The following ARHGAP28 variants were observed in gnomAD, a reference collection of about 807,000 sequenced individuals.
The protein encoded by ARHGAP28 is Rho GTPase activating protein 28.
A neutral mutation model predicts 90.7 loss-of-function variants in ARHGAP28; 56 were observed. The ratio of observed to expected loss-of-function variants is 0.62; its 90% CI spans 0.50 to 0.77. ARHGAP28 has a LOEUF of 0.77. ARHGAP28 is among the 30% of genes least tolerant of loss of function. The pLI is 0.00. For missense variants in ARHGAP28, 869 were observed against 900.9 expected, an observed-to-expected ratio of 0.96 and a Z score of 0.45; for synonymous variants, 308 against 323.3, an observed-to-expected ratio of 0.95 and a Z score of 0.51.
chr18:6,829,633 T>C (rs2056700136), intron 2 of ARHGAP28, among the ~76,000 whole-genome samples: 1 of 152,130 alleles, frequency 6.6e-6, no homozygotes, highest in Non-Finnish European at 1.5e-5. Context: ...ACCCAGAAAA[T>C]TTCCTCATGC....
intron 1 of ARHGAP28, among the ~76,000 whole-genome samples, chr18:6,765,240 G>A (rs35327384): frequency 0.17 from 26,339 of 152,100 alleles, 3,334 homozygotes; most frequent in East Asian, 0.35. Context: ...CTTAATGTTT[G>A]ATAGCATATT....
chr18:6,898,548 A>G (rs749972729), intron 16 of ARHGAP28: 8 of 1,613,836 alleles, frequency 5.0e-6, no homozygotes, highest in Non-Finnish European at 3.4e-6. Flanking sequence ...ATTCCTCTTC[A>G]CTATTGGCCT....
At chr18:6,896,138 G>A (rs960234612) in intron 15 of ARHGAP28, among the ~76,000 whole-genome samples, 1 of 152,172 alleles carries the variant, frequency 6.6e-6, no homozygotes, top group Non-Finnish European at 1.5e-5. Flanking sequence ...CAAAAGGTTG[G>A]TCTTCTTAAA....
intron 3 of ARHGAP28, among the ~76,000 whole-genome samples, chr18:6,840,713 A>C (rs2056800742): frequency 6.6e-6 from 1 of 152,128 alleles, no homozygotes; most frequent in Admixed American, 6.5e-5. Context: ...TCTAGAGAGA[A>C]TTGAGAATGG....
intron 1 of ARHGAP28, among the ~76,000 whole-genome samples, chr18:6,781,188 G>A (rs139922241): frequency 3.3e-5 from 5 of 152,246 alleles, no homozygotes; most frequent in Admixed American, 6.5e-5. Flanking sequence ...AGAGGCAGTC[G>A]GGACAGTCAG....
At chr18:6,903,329 A>G (rs1481554615) in intron 16 of ARHGAP28, among the ~76,000 whole-genome samples, 2 of 152,234 alleles carry the variant, frequency 1.3e-5, no homozygotes, top group Admixed American at 6.5e-5. Context: ...ACCATGATAG[A>G]AATATAAAAA....
chr18:6,841,182 T>TCTCTCTCTCTCTCTC (rs2056815370), intron 3 of ARHGAP28, among the ~76,000 whole-genome samples: 1 of 44,234 alleles, frequency 2.3e-5, no homozygotes, highest in Non-Finnish European at 4.1e-5. Flanking sequence ...CTCTCTCTCC[T>TCTCTCTCTCTCTCTC]CTCTCTCTCT....
intron 1 of ARHGAP28, among the ~76,000 whole-genome samples, chr18:6,757,503 T>C (rs2056121473): frequency 6.6e-6 from 1 of 152,172 alleles, no homozygotes; most frequent in Admixed American, 6.5e-5. Flanking sequence ...AAAGCCAGGA[T>C]TTTACAGTCA....
chr18:6,784,061 C>G (rs976383113), intron 1 of ARHGAP28, among the ~76,000 whole-genome samples: 2 of 152,138 alleles, frequency 1.3e-5, no homozygotes, highest in Non-Finnish European at 2.9e-5. Flanking sequence ...AAAACCTCCT[C>G]AGTTACTTCT....
chr18:6,815,282 CTGTT>C (rs1415923299), intron 1 of ARHGAP28, among the ~76,000 whole-genome samples: 1 of 152,242 alleles, frequency 6.6e-6, no homozygotes, highest in Admixed American at 6.5e-5. Context: ...CTACCTCTGA[CTGTT>C]AGCCTTTGCT....
Position 6,908,734 on chromosome 18 carries a change from C to CT in ARHGAP28, c.2031-225dup, listed in dbSNP as rs1457093422. 2.0e-5 allele frequency among the ~76,000 whole-genome samples: 3 copies of CT among 152,298 alleles called. No homozygotes were observed. In the South Asian group the frequency reaches 6.2e-4, roughly 32 times the overall value. ...GGCTCTATGTAGTGGAGCACTGCGG[C>CT]TGCCCATCCTGGTGGGAGCAGTCCC... On this transcript the variant is annotated intron_variant, in intron 16 of 17. Coordinates refer to ENST00000383472, the MANE Select transcript of ARHGAP28 (RefSeq NM_001366230.1).
intron 1 of ARHGAP28, chr18:6,789,633 C>T (rs1339241588): frequency 6.6e-6 from 1 of 152,086 alleles, no homozygotes; most frequent in Non-Finnish European, 1.5e-5. Flanking sequence ...CCACCACTAA[C>T]AATTCATACT....
At chr18:6,840,967 G>C (rs1037725824) in intron 3 of ARHGAP28, among the ~76,000 whole-genome samples, 1 of 152,050 alleles carries the variant, frequency 6.6e-6, no homozygotes, top group Non-Finnish European at 1.5e-5. Flanking sequence ...CACAGATGTT[G>C]TTTCCTAAAA....
intron 12 of ARHGAP28, 28 bp downstream of exon 12, chr18:6,887,267 C>T (rs545031750): frequency 2.5e-6 from 4 of 1,604,612 alleles, no homozygotes; most frequent in Middle Eastern, 1.8e-4. Flanking sequence ...CACAGCTTGT[C>T]CTGGGGCTCT....
rs769223185 is a variant in ARHGAP28, at chr18:6,890,416, T to G, written c.1735-14T>G. 13 of 1,555,350 alleles carry G rather than the reference T, an allele frequency of 8.4e-6. No homozygotes were observed. The Admixed American group carries it at 1.9e-4, about 23-fold the overall frequency. ...AGTGTTTTCCATCCAGTCCAAGCTATTTTTCTTCTCCAGGTTCCATCTTTC... is the reference window on the plus strand; with the variant it reads ...AGTGTTTTCCATCCAGTCCAAGCTAGTTTTCTTCTCCAGGTTCCATCTTTC... On this transcript the variant is annotated splice_polypyrimidine_tract_variant and intron_variant, in intron 13 of 17. Transcript: ENST00000383472.
At chr18:6,879,720 G>A (rs1376590098) in intron 10 of ARHGAP28, among the ~76,000 whole-genome samples, 2 of 152,246 alleles carry the variant, frequency 1.3e-5, no homozygotes, top group African/African-American at 4.8e-5. Context: ...CTGAGAGTGG[G>A]GGAGGGGCGA....
chr18:6,887,596 C>A (rs1451146233), intron 12 of ARHGAP28, among the ~76,000 whole-genome samples: 1 of 152,046 alleles, frequency 6.6e-6, no homozygotes, highest in East Asian at 1.9e-4. Context: ...ACACCCAGCT[C>A]ATTTTTTGCA....
chr18:6,860,698 T>G (rs992554167), intron 5 of ARHGAP28, among the ~76,000 whole-genome samples: 1 of 152,184 alleles, frequency 6.6e-6, no homozygotes, highest in African/African-American at 2.4e-5. Flanking sequence ...GCATGACACA[T>G]TCCTAGGAAA....
At chr18:6,899,233 T>C (rs2057325598) in intron 16 of ARHGAP28, among the ~76,000 whole-genome samples, 1 of 152,048 alleles carries the variant, frequency 6.6e-6, no homozygotes, top group Non-Finnish European at 1.5e-5. Context: ...CCCCATTCCT[T>C]CCAGGTACTC....
Sources: gnomAD v4.1 joint callset for allele counts (sites outside exome capture counted in the v4.1 genomes callset) on GRCh38, gnomAD v4.1.1 for gene constraint, MANE v1.5 for transcripts, NCBI Gene and HGNC (gene_info 2026-07-23, HGNC 2026-07-21) for gene names.